SLC35D1: variants seen among roughly 807,000 people sequenced by gnomAD.
SLC35D1 encodes solute carrier family 35 member D1.
SLC35D1 carries 31 observed loss-of-function variants against 46.7 expected under a neutral mutation model. That is an observed-to-expected ratio of 0.66 (90% CI 0.50 to 0.90). The LOEUF is 0.90. Ranked by LOEUF, SLC35D1 falls within the 40% of genes least tolerant of loss-of-function variation. The probability of loss-of-function intolerance (pLI) is 0.00; values close to 1 mark genes in which losing one functional copy is unlikely to be tolerated. For missense variants in SLC35D1, 397 were observed against 426.2 expected (o/e 0.93, Z 0.60); for synonymous variants, 195 against 164.6 (o/e 1.18, Z -1.41).
downstream of SLC35D1, among the ~76,000 whole-genome samples, chr1:66,995,176 A>G (rs923491441): frequency 1.3e-5 from 2 of 151,956 alleles, no homozygotes; most frequent in African/African-American, 4.8e-5. Flanking sequence ...TCATAGTGCA[A>G]ATCTCATCTG....
intron 8 of SLC35D1, among the ~76,000 whole-genome samples, chr1:67,026,606 T>C (rs934759654): frequency 8.5e-5 from 13 of 152,326 alleles, no homozygotes; most frequent in African/African-American, 2.2e-4. Context: ...GGAAAGTTTT[T>C]AACTACAAAT....
At chr1:66,989,503 C>T in the SLC35D1 span, among the ~76,000 whole-genome samples, 3 of 152,326 alleles carry the variant, frequency 2.0e-5, no homozygotes, top group South Asian at 2.1e-4. Flanking sequence ...CAGTTGGCTG[C>T]GTAGGCTGGA....
intron 10 of SLC35D1, among the ~76,000 whole-genome samples, chr1:67,018,946 T>C (rs1667740051): frequency 6.6e-6 from 1 of 152,202 alleles, no homozygotes; most frequent in African/African-American, 2.4e-5. Context: ...AGTGAACTAA[T>C]CAGACAATTC....
At chr1:67,025,119 T>C (rs1667891342) in intron 8 of SLC35D1, among the ~76,000 whole-genome samples, 1 of 152,136 alleles carries the variant, frequency 6.6e-6, no homozygotes, top group Non-Finnish European at 1.5e-5. Context: ...TATGACCTGA[T>C]CCTAACTAAT....
chr1:67,006,840 A>G (rs1313055080), intron 11 of SLC35D1, among the ~76,000 whole-genome samples: 1 of 152,178 alleles, frequency 6.6e-6, no homozygotes, highest in Non-Finnish European at 1.5e-5. Context: ...CAAGCATCCA[A>G]ATCTCAAATC....
the SLC35D1 span, among the ~76,000 whole-genome samples, chr1:66,977,157 T>C: frequency 6.6e-6 from 1 of 152,042 alleles, no homozygotes; most frequent in African/African-American, 2.4e-5. Context: ...TTGCCCAGGC[T>C]GGAATGCAGT....
the SLC35D1 span, among the ~76,000 whole-genome samples, chr1:66,977,570 T>TA: frequency 6.6e-6 from 1 of 152,218 alleles, no homozygotes; most frequent in Non-Finnish European, 1.5e-5. Context: ...ATTCTTTATG[T>TA]AAAATGTCTG....
chr1:66,996,115 A>ATATG (rs35546659), downstream of SLC35D1, among the ~76,000 whole-genome samples: 1 of 152,110 alleles, frequency 6.6e-6, no homozygotes, highest in Non-Finnish European at 1.5e-5. Flanking sequence ...GAAGGACCAA[A>ATATG]TATGAGAAGG....
chr1:66,987,148 C>T, the SLC35D1 span: 4 of 152,628 alleles, frequency 2.6e-5, no homozygotes, highest in Non-Finnish European at 4.4e-5. Context: ...CACTATTATG[C>T]GTAATGCTCA....
chr1:67,045,351 T>C (rs1171465579), intron 7 of SLC35D1, among the ~76,000 whole-genome samples: 3 of 152,254 alleles, frequency 2.0e-5, no homozygotes, highest in Admixed American at 6.5e-5. Flanking sequence ...ATTATGTTTA[T>C]GTATTATGTT....
intron 10 of SLC35D1, among the ~76,000 whole-genome samples, chr1:67,011,333 CT>C (rs1327791595): frequency 2.6e-5 from 4 of 152,140 alleles, no homozygotes; most frequent in African/African-American, 9.7e-5. Context: ...CTGTTCTGCT[CT>C]TTTGGAAGCT....
chr1:67,039,513 G>A (rs1003977090), intron 8 of SLC35D1, among the ~76,000 whole-genome samples: 4 of 151,912 alleles, frequency 2.6e-5, no homozygotes, highest in Non-Finnish European at 5.9e-5. Context: ...GTGTGTGTGT[G>A]TGTGTGTGCG....
intron 8 of SLC35D1, among the ~76,000 whole-genome samples, chr1:67,026,935 A>C (rs1450789672): frequency 1.3e-5 from 2 of 152,132 alleles, no homozygotes; most frequent in African/African-American, 4.8e-5. Context: ...TCACAAGAAC[A>C]AGATGAGGAA....
rs767558464 is a variant in SLC35D1 at position 67,042,262 on chromosome 1, C to T, written c.703G>A (p.Ala235Thr). 2.5e-6 allele frequency: 4 copies of T among 1,614,012 alleles called. No individual in the cohort carries two copies. Among genetic ancestry groups the T allele is most frequent in the African/African-American group, 1.3e-5 (1 of 74,912 alleles). Residue 235 changes from alanine (A) to threonine (T), a missense_variant, in exon 8 of 12, where the codon GCG becomes ACG. Transcript: ENST00000235345. ...LFMILPTLAI[A>T]YFTGDAQKAV... ...TTTTGTGCATCTCCTGTGAAATACG[C>T]AATGGCCAGGGTGGGCAGAATCATG...
intron 7 of SLC35D1, among the ~76,000 whole-genome samples, chr1:67,046,299 G>T (rs1433767470): frequency 6.6e-6 from 1 of 152,148 alleles, no homozygotes; most frequent in Non-Finnish European, 1.5e-5. Context: ...CTATCAAGCA[G>T]GTAGGACACT....
At position 67,042,892 on chromosome 1, in the gene SLC35D1, T is replaced by C. The variant is rs59816605; in HGVS notation, c.637-564A>G. On this transcript the variant is annotated intron_variant, in intron 7 of 11. Transcript: ENST00000235345. The stretch of plus-strand genomic sequence containing the variant: ...CAGCATGGGCAACATGGTGAAACAC[T>C]GTCTCTACAAAAAATACAAAAACAG... Among the ~76,000 whole-genome samples, 824 of 152,024 alleles carry C rather than the reference T, an allele frequency of 5.4e-3. 7 individuals are homozygous for C. The highest frequency in any genetic ancestry group is 0.018 in the African/African-American group (763 of 41,464).
At chr1:67,024,898 C>G (rs1667886507) in intron 8 of SLC35D1, among the ~76,000 whole-genome samples, 1 of 152,160 alleles carries the variant, frequency 6.6e-6, no homozygotes, top group Non-Finnish European at 1.5e-5. Flanking sequence ...TGTGCACCAC[C>G]ATATCTGGCT....
chr1:67,029,658 C>T (rs920421256), intron 8 of SLC35D1, among the ~76,000 whole-genome samples: 1 of 152,146 alleles, frequency 6.6e-6, no homozygotes, highest in Non-Finnish European at 1.5e-5. Flanking sequence ...ATGAGGTGAA[C>T]TTTGCTTTTG....
the SLC35D1 span, chr1:66,981,902 C>T: frequency 6.2e-7 from 1 of 1,613,792 alleles, no homozygotes; most frequent in Non-Finnish European, 8.5e-7. Context: ...GCACTGTAAG[C>T]ACTGCTAATC....
Sources: gnomAD v4.1 joint callset for allele counts (sites outside exome capture counted in the v4.1 genomes callset) on GRCh38, gnomAD v4.1.1 for gene constraint, MANE v1.5 for transcripts, NCBI Gene and HGNC (gene_info 2026-07-23, HGNC 2026-07-21) for gene names.